The following DPP10 variants were observed in gnomAD, a reference collection of about 807,000 sequenced individuals.
DPP10 encodes dipeptidyl peptidase like 10.
DPP10 carries 33 observed loss-of-function variants against 120.9 expected under a neutral mutation model. The observed-to-expected ratio is 0.27, with a 90% confidence interval of 0.21 to 0.37. The LOEUF is 0.37. DPP10 is among the 10% of genes least tolerant of loss of function. The pLI is 1.00. For synonymous variants in DPP10, 337 were observed against 326.1 expected (o/e 1.03, Z -0.36); for missense variants, 816 against 942.8 (o/e 0.87, Z 1.76).
intron 7 of DPP10, among the ~76,000 whole-genome samples, chr2:115,709,548 CT>C (rs1193215887): frequency 6.6e-6 from 1 of 151,650 alleles, no homozygotes; most frequent in Non-Finnish European, 1.5e-5. Flanking sequence ...TATATCCTAC[CT>C]TTCATAGACA....
In DPP10 at chr2:115,168,904, GATAAA is replaced by G. The variant is rs1573871599; in HGVS notation, c.61-140329_61-140325del. On this transcript the variant is annotated intron_variant, in intron 1 of 25. Transcript: ENST00000410059. ...AGAAAACTCACTTTTATCCAAAACT[GATAAA>G]ATAAATATTTTGAATTGTTCTGTTC... is the stretch of plus-strand genomic sequence containing the variant. Among the ~76,000 whole-genome samples, 4 of 152,220 alleles carry G rather than the reference GATAAA, an allele frequency of 2.6e-5. No homozygotes were observed. The South Asian group carries it at 6.2e-4, about 24-fold the overall frequency.
chr2:114,647,832 T>C (rs1193461676), intron 1 of DPP10, among the ~76,000 whole-genome samples: 1 of 151,710 alleles, frequency 6.6e-6, no homozygotes, highest in African/African-American at 2.4e-5. Context: ...ACACTGGATG[T>C]TGATTTTATT....
At chr2:114,782,195 A>C (rs1310919124) in intron 1 of DPP10, among the ~76,000 whole-genome samples, 1 of 151,958 alleles carries the variant, frequency 6.6e-6, no homozygotes, top group African/African-American at 2.4e-5. Context: ...AGTCATGAGA[A>C]TGGATAGTCT....
intron 5 of DPP10, among the ~76,000 whole-genome samples, chr2:115,597,835 C>G (rs1305301804): frequency 1.3e-5 from 2 of 151,966 alleles, no homozygotes; most frequent in Non-Finnish European, 2.9e-5. Flanking sequence ...ATTCCTTCAT[C>G]AGACCAACTC....
intron 21 of DPP10, among the ~76,000 whole-genome samples, chr2:115,825,893 G>A (rs1369862543): frequency 2.0e-5 from 3 of 152,182 alleles, no homozygotes; most frequent in Non-Finnish European, 4.4e-5. Flanking sequence ...GTCCCAATGA[G>A]CTGGGCAGAA....
intron 1 of DPP10, among the ~76,000 whole-genome samples, chr2:114,814,891 C>T (rs1201836004): frequency 6.6e-6 from 1 of 152,190 alleles, no homozygotes; most frequent in Non-Finnish European, 1.5e-5. Context: ...GTAGAACCAA[C>T]CGTGGAGGAG....
intron 1 of DPP10, among the ~76,000 whole-genome samples, chr2:115,242,433 C>T (rs1205118377): frequency 6.6e-6 from 1 of 152,098 alleles, no homozygotes; most frequent in African/African-American, 2.4e-5. Context: ...GGGCTCGTTC[C>T]ATATTTCTGC....
In DPP10 at chr2:115,313,835, A is replaced by AT. The variant is rs1451181616; in HGVS notation, c.175+4489dup. On this transcript the variant is annotated intron_variant, in intron 2 of 25. Transcript: ENST00000410059. Reference sequence around the variant, plus strand: ...CTGAAAGGAACAAATTATTCATTCCATTTTTTTAATTACAGGGTGGACTTA... The same window carrying AT: ...CTGAAAGGAACAAATTATTCATTCCATTTTTTTTAATTACAGGGTGGACTTA... Among the ~76,000 whole-genome samples the AT allele has an allele frequency of 2.6e-5, 4 of 152,216 alleles. No individual in the cohort carries two copies. The East Asian group carries it at 7.7e-4, about 29-fold the overall frequency.
intron 1 of DPP10, among the ~76,000 whole-genome samples, chr2:114,578,545 A>G (rs1690241470): frequency 6.6e-6 from 1 of 152,148 alleles, no homozygotes; most frequent in Non-Finnish European, 1.5e-5. Flanking sequence ...TCCCATTTAA[A>G]TGCAAAATGG....
intron 1 of DPP10, among the ~76,000 whole-genome samples, chr2:114,764,861 GA>G (rs1347905477): frequency 2.0e-5 from 3 of 152,076 alleles, no homozygotes; most frequent in Admixed American, 6.6e-5. Context: ...TTTAGAGAAG[GA>G]AAAAACTTCA....
rs527997289 is a variant in DPP10 at position 114,611,055 on chromosome 2, C to T, written c.60+168217C>T. On this transcript the variant is annotated intron_variant, in intron 1 of 25. Coordinates refer to ENST00000410059, the MANE Select transcript of DPP10 (RefSeq NM_020868.6). ...TCAGGTATAATTACGAAGGCTGTCC[C>T]AGCACTCGCTACCTACACTATACTT... is the stretch of plus-strand genomic sequence containing the variant. Among the ~76,000 whole-genome samples, 17 of 152,190 alleles carry T rather than the reference C, an allele frequency of 1.1e-4. 1 individual carries two copies. Among genetic ancestry groups the T allele is most frequent in the African/African-American group, 4.1e-4 (17 of 41,510 alleles).
chr2:114,874,704 C>T (rs981296147), intron 1 of DPP10, among the ~76,000 whole-genome samples: 1 of 152,056 alleles, frequency 6.6e-6, no homozygotes, highest in African/African-American at 2.4e-5. Flanking sequence ...AACCCCTGGT[C>T]CATGGAAAAA....
At chr2:114,575,157 C>T (rs533226441) in intron 1 of DPP10, among the ~76,000 whole-genome samples, 120 of 151,962 alleles carry the variant, frequency 7.9e-4, no homozygotes, top group African/African-American at 2.6e-3. Context: ...GGGATTTCAT[C>T]GGTAAGAGTG....
intron 3 of DPP10, among the ~76,000 whole-genome samples, chr2:115,438,779 C>T (rs1236807001): frequency 8.7e-5 from 13 of 148,884 alleles, no homozygotes; most frequent in Admixed American, 8.1e-4. Flanking sequence ...CATGGAAGCA[C>T]AATGTGGAAT....
intron 1 of DPP10, among the ~76,000 whole-genome samples, chr2:114,481,072 TG>T (rs1681000811): frequency 1.3e-5 from 2 of 150,546 alleles, no homozygotes; most frequent in African/African-American, 4.9e-5. Context: ...ATGAGACAAA[TG>T]GTTTTTAGAT....
chr2:115,737,827 C>T (rs565951853), intron 8 of DPP10, among the ~76,000 whole-genome samples: 29 of 152,236 alleles, frequency 1.9e-4, no homozygotes, highest in South Asian at 1.7e-3. Context: ...AGAGATATCC[C>T]GGTGTATCCC....
At chr2:114,539,505 C>A (rs896304756) in intron 1 of DPP10, among the ~76,000 whole-genome samples, 1 of 152,130 alleles carries the variant, frequency 6.6e-6, no homozygotes, top group Non-Finnish European at 1.5e-5. Context: ...CTGTAGCAGG[C>A]ATGCTTTCTT....
chr2:114,750,209 A>G (rs1679068780), intron 1 of DPP10, among the ~76,000 whole-genome samples: 1 of 152,142 alleles, frequency 6.6e-6, no homozygotes. Context: ...TGAGTGGAGG[A>G]CAGGAAACAA....
chr2:115,826,848 G>A (rs778847725), intron 21 of DPP10, among the ~76,000 whole-genome samples: 13 of 151,758 alleles, frequency 8.6e-5, no homozygotes, highest in East Asian at 5.8e-4. Context: ...TTACATTTAC[G>A]TATTACGTAT....
Sources: allele counts gnomAD v4.1 joint callset (sites outside exome capture counted in the v4.1 genomes callset), GRCh38; gene constraint gnomAD v4.1.1; transcripts MANE v1.5; gene names NCBI Gene and HGNC (gene_info 2026-07-23, HGNC 2026-07-21).